Variants in CDH4 observed in about 807,000 individuals in gnomAD.
CDH4 encodes cadherin-4.
In CDH4, 33 loss-of-function variants were observed where a neutral mutation model predicts 86.0. That is an observed-to-expected ratio of 0.38 (90% confidence interval 0.29 to 0.51). The LOEUF (loss-of-function observed/expected upper bound fraction) is 0.51, where lower values mean the gene tolerates loss of function less well. Ranked by LOEUF, CDH4 falls within the 20% of genes least tolerant of loss-of-function variation. The pLI, the probability that CDH4 is intolerant of heterozygous loss-of-function variation, is 0.86. For synonymous variants in CDH4, 555 were observed against 549.4 expected (o/e 1.01, Z -0.14); for missense variants, 1,114 against 1,307.4 (o/e 0.85, Z 2.28).
Position 61,676,651 on chromosome 20 carries a change from G to A in CDH4, c.170-66912G>A, listed in dbSNP as rs73915320. Among the ~76,000 whole-genome samples, 2,124 of 152,280 alleles carry A rather than the reference G, an allele frequency of 0.014. 47 individuals are homozygous for A. The highest frequency in any genetic ancestry group is 0.048 in the African/African-American group (1,997 of 41,554). On this transcript the variant is annotated intron_variant, in intron 2 of 15. Coordinates refer to ENST00000614565, the MANE Select transcript of CDH4 (RefSeq NM_001794.5). This position sits in a 1 kb window ranked among gnomAD's most constrained non-coding sequence, Gnocchi z 4.5. Reference sequence around the variant, plus strand: ...GGCATTCTCTCAATTCTCTGCACATGCCCTCAACAAACAAACTCAATCCCA... The same window carrying A: ...GGCATTCTCTCAATTCTCTGCACATACCCTCAACAAACAAACTCAATCCCA...
chr20:61,823,348 TTGG>T (rs1467940620), intron 4 of CDH4, among the ~76,000 whole-genome samples: 6 of 147,496 alleles, frequency 4.1e-5, no homozygotes, highest in African/African-American at 1.0e-4. Flanking sequence ...GGTGATGGCG[TTGG>T]TGGTGATTAC....
chr20:61,798,817 G>A (rs565718641), intron 4 of CDH4, among the ~76,000 whole-genome samples: 10 of 152,290 alleles, frequency 6.6e-5, no homozygotes, highest in Non-Finnish European at 8.8e-5. Context: ...TGTGTGTCCC[G>A]AGTCCAGCCA....
chr20:61,604,635 T>C (rs2086628428), intron 2 of CDH4, among the ~76,000 whole-genome samples: 1 of 152,182 alleles, frequency 6.6e-6, no homozygotes, highest in African/African-American at 2.4e-5. Flanking sequence ...GTTTGATGTT[T>C]GTTCTTACTG....
At chr20:61,373,992 T>A (rs1162949320) in intron 2 of CDH4, among the ~76,000 whole-genome samples, 1 of 151,816 alleles carries the variant, frequency 6.6e-6, no homozygotes, top group Non-Finnish European at 1.5e-5. Context: ...AGAGGTGGGG[T>A]GTGGCTGGCA....
intron 2 of CDH4, among the ~76,000 whole-genome samples, chr20:61,388,306 C>G (rs2084963271): frequency 6.6e-6 from 1 of 152,154 alleles, no homozygotes; most frequent in African/African-American, 2.4e-5. Flanking sequence ...TGACCCCCGT[C>G]TCACTTTTCG....
intron 2 of CDH4, among the ~76,000 whole-genome samples, chr20:61,660,213 C>T (rs985718836): frequency 3.3e-5 from 5 of 152,084 alleles, no homozygotes; most frequent in African/African-American, 4.8e-5. Context: ...AGCCAGAGGC[C>T]GCCCCTCCCC....
chr20:61,713,768 C>T (rs751383896), intron 2 of CDH4, among the ~76,000 whole-genome samples: 4 of 152,212 alleles, frequency 2.6e-5, no homozygotes, highest in Non-Finnish European at 4.4e-5. Flanking sequence ...ACCTGCCTTT[C>T]GTGATACCTC....
chr20:61,373,250 C>T (rs78499157), intron 2 of CDH4, among the ~76,000 whole-genome samples: 5,232 of 152,122 alleles, frequency 0.034, 121 homozygotes, highest in Middle Eastern at 0.051. Context: ...TGCCCTGGGC[C>T]GTCAGCACTA....
At chr20:61,844,460 A>G (rs939758077) in intron 4 of CDH4, among the ~76,000 whole-genome samples, 1 of 152,082 alleles carries the variant, frequency 6.6e-6, no homozygotes, top group Non-Finnish European at 1.5e-5. Flanking sequence ...GACAGGCCCT[A>G]GACCTGCAGT....
intron 7 of CDH4, 83 bp downstream of exon 7, chr20:61,873,983 C>T: frequency 6.8e-7 from 1 of 1,464,332 alleles, no homozygotes; most frequent in Non-Finnish European, 9.4e-7. Flanking sequence ...GGAGCCTCTC[C>T]AGTGGCGCCG....
At chr20:61,881,677 C>T (rs1049541911) in intron 7 of CDH4, among the ~76,000 whole-genome samples, 1 of 152,126 alleles carries the variant, frequency 6.6e-6, no homozygotes, top group Non-Finnish European at 1.5e-5. Flanking sequence ...GGGGGCGGCA[C>T]GTGGGGGACT....
At chr20:61,827,944 C>T (rs1027561194) in intron 4 of CDH4, among the ~76,000 whole-genome samples, 2 of 152,122 alleles carry the variant, frequency 1.3e-5, no homozygotes, top group African/African-American at 2.4e-5. Flanking sequence ...ATAAATCTCA[C>T]GGGTCACCCT....
intron 2 of CDH4, among the ~76,000 whole-genome samples, chr20:61,520,275 A>T (rs896677388): frequency 6.6e-6 from 1 of 152,190 alleles, no homozygotes; most frequent in African/African-American, 2.4e-5. Flanking sequence ...AGAGCCCAGC[A>T]CAGGGTGACT....
chr20:61,306,286 C>T (rs1475131353), intron 2 of CDH4, among the ~76,000 whole-genome samples: 1 of 152,172 alleles, frequency 6.6e-6, no homozygotes, highest in Non-Finnish European at 1.5e-5. Flanking sequence ...GTTTACTCTG[C>T]AAGAAATGGC....
At chr20:61,640,479 G>A (rs1052010551) in intron 2 of CDH4, among the ~76,000 whole-genome samples, 17 of 152,226 alleles carry the variant, frequency 1.1e-4, no homozygotes, top group Non-Finnish European at 2.1e-4. Context: ...GGGCCTATGA[G>A]GGGGCTGCTG....
At chr20:61,285,120 A>T (rs1414080684) in intron 2 of CDH4, among the ~76,000 whole-genome samples, 1 of 151,644 alleles carries the variant, frequency 6.6e-6, no homozygotes, top group Non-Finnish European at 1.5e-5. Flanking sequence ...CAGCACTTAG[A>T]GGAAAACGGC....
intron 6 of CDH4, among the ~76,000 whole-genome samples, chr20:61,865,704 T>C (rs540539484): frequency 6.6e-6 from 1 of 152,058 alleles, no homozygotes; most frequent in South Asian, 2.1e-4. Context: ...GGTTTGTGTA[T>C]GTAATGGGTT....
At chr20:61,629,708 C>T (rs1280069774) in intron 2 of CDH4, among the ~76,000 whole-genome samples, 4 of 152,212 alleles carry the variant, frequency 2.6e-5, no homozygotes, top group Non-Finnish European at 5.9e-5. Flanking sequence ...GAGCCCCAGA[C>T]AAGCTAGGCT....
chr20:61,934,654 C>T (rs944544771), intron 15 of CDH4, among the ~76,000 whole-genome samples: 3 of 152,204 alleles, frequency 2.0e-5, no homozygotes, highest in Admixed American at 6.5e-5. Context: ...TTCCCGGGCT[C>T]GGCTCACCCA....
Sources: gnomAD v4.1 joint callset for allele counts (sites outside exome capture counted in the v4.1 genomes callset) on GRCh38, gnomAD v4.1.1 for gene constraint, Gnocchi (gnomAD v3.1) non-coding constraint, MANE v1.5 for transcripts, NCBI Gene and HGNC (gene_info 2026-07-23, HGNC 2026-07-21) for gene names.